Variants in GTF2E2 observed in about 807,000 individuals in gnomAD.
GTF2E2 encodes general transcription factor IIE subunit 2, also known as transcription initiation factor IIE subunit beta.
Under a neutral mutation model 40.5 loss-of-function variants are expected in GTF2E2, and 21 were observed. That is an observed-to-expected ratio of 0.52 (90% confidence interval 0.37 to 0.75). The LOEUF (loss-of-function observed/expected upper bound fraction) is 0.75, where lower values mean the gene tolerates loss of function less well. GTF2E2 is among the 30% of genes least tolerant of loss of function. GTF2E2 has a pLI of 0.00. For missense variants in GTF2E2, 298 were observed against 338.4 expected (o/e 0.88, Z 0.94); for synonymous variants, 117 against 121.6 (o/e 0.96, Z 0.25).
chr8:30,653,847 G>T (rs1229885519), intron 1 of GTF2E2, among the ~76,000 whole-genome samples: 1 of 152,136 alleles, frequency 6.6e-6, no homozygotes, highest in Non-Finnish European at 1.5e-5. Flanking sequence ...GAAGCACTTT[G>T]GGAAGCCGAG....
chr8:30,595,313 T>C (rs1828969442), intron 6 of GTF2E2, among the ~76,000 whole-genome samples: 1 of 152,224 alleles, frequency 6.6e-6, no homozygotes, highest in Non-Finnish European at 1.5e-5. Flanking sequence ...AAATATATTG[T>C]TAATATTTTT....
chr8:30,604,462 A>G (rs998507315), intron 6 of GTF2E2, among the ~76,000 whole-genome samples: 1 of 152,240 alleles, frequency 6.6e-6, no homozygotes, highest in Non-Finnish European at 1.5e-5. Flanking sequence ...CCAATGTGTA[A>G]GATATGTAAA....
At chr8:30,644,018 G>A (rs906460550) in intron 2 of GTF2E2, among the ~76,000 whole-genome samples, 2 of 152,172 alleles carry the variant, frequency 1.3e-5, no homozygotes, top group African/African-American at 4.8e-5. Flanking sequence ...AATTAATGAA[G>A]TAGAACTACA....
intron 1 of GTF2E2, among the ~76,000 whole-genome samples, chr8:30,654,782 A>G (rs1407116599): frequency 6.6e-6 from 1 of 152,198 alleles, no homozygotes; most frequent in Non-Finnish European, 1.5e-5. Context: ...TGCTGTAGAA[A>G]CATGAGGACT....
At chr8:30,654,118 A>T (rs1802380003) in intron 1 of GTF2E2, among the ~76,000 whole-genome samples, 1 of 151,836 alleles carries the variant, frequency 6.6e-6, no homozygotes. Context: ...AAAGAAAGAA[A>T]AGAAACAGAA....
intron 5 of GTF2E2, among the ~76,000 whole-genome samples, chr8:30,610,683 C>A (rs536599221): frequency 4.6e-5 from 7 of 152,222 alleles, no homozygotes; most frequent in Admixed American, 4.6e-4. Flanking sequence ...ACACCATATA[C>A]AAAAATTAAC....
intron 1 of GTF2E2, among the ~76,000 whole-genome samples, chr8:30,655,115 T>C (rs903295468): frequency 5.3e-5 from 8 of 151,508 alleles, no homozygotes; most frequent in Non-Finnish European, 7.4e-5. Flanking sequence ...ACACGAGAAC[T>C]GTTTGAGTCC....
chr8:30,630,674 G>A (rs1801414271), intron 3 of GTF2E2, among the ~76,000 whole-genome samples: 1 of 151,996 alleles, frequency 6.6e-6, no homozygotes, highest in African/African-American at 2.4e-5. Context: ...AGAGCCTGAA[G>A]GAATAATAAA....
rs188840009 is a variant in GTF2E2, at chr8:30,591,544, A to G, written c.644-11148T>C. Among the ~76,000 whole-genome samples, 704 of 152,364 alleles carry G rather than the reference A, an allele frequency of 4.6e-3. 2 individuals are homozygous for G. The highest frequency in any genetic ancestry group is 0.022 in the South Asian group (106 of 4,828). The stretch of plus-strand genomic sequence containing the variant: ...ATAAAATGGCCAATCAGCACATAAA[A>G]AGATGTTCAACATCATTAGTCATTA... On this transcript the variant is annotated intron_variant, in intron 6 of 7. Transcript: ENST00000355904.
intron 4 of GTF2E2, among the ~76,000 whole-genome samples, chr8:30,612,818 A>G (rs1451645532): frequency 6.6e-6 from 1 of 152,232 alleles, no homozygotes; most frequent in Non-Finnish European, 1.5e-5. Flanking sequence ...AAGTACTGGG[A>G]TTATAGGCGT....
intron 3 of GTF2E2, among the ~76,000 whole-genome samples, chr8:30,624,974 T>TA (rs1801223307): frequency 1.9e-5 from 1 of 52,872 alleles, no homozygotes; most frequent in Non-Finnish European, 3.8e-5. Flanking sequence ...TTTGACTTCC[T>TA]CTTTCCTAAA....
At chr8:30,621,361 A>C (rs1291622534) in intron 3 of GTF2E2, among the ~76,000 whole-genome samples, 1 of 152,156 alleles carries the variant, frequency 6.6e-6, no homozygotes, top group Non-Finnish European at 1.5e-5. Context: ...TGAGCTTTGT[A>C]AACACAGAAG....
intron 3 of GTF2E2, among the ~76,000 whole-genome samples, chr8:30,619,472 G>A (rs953303760): frequency 4.0e-5 from 6 of 149,468 alleles, no homozygotes; most frequent in African/African-American, 7.4e-5. Context: ...CACCGCAACC[G>A]CCACCTCCCA....
chr8:30,636,046 A>T (rs902827889), intron 2 of GTF2E2, among the ~76,000 whole-genome samples: 5 of 151,730 alleles, frequency 3.3e-5, no homozygotes, highest in Non-Finnish European at 5.9e-5. Flanking sequence ...TTTGAGAAAC[A>T]CCCCCCTCTC....
At chr8:30,632,723 C>A (rs901976147) in intron 3 of GTF2E2, among the ~76,000 whole-genome samples, 3 of 152,054 alleles carry the variant, frequency 2.0e-5, no homozygotes, top group African/African-American at 4.8e-5. Flanking sequence ...AATGGTTAAG[C>A]ACTAGGTAAC....
At chr8:30,656,191 C>T (rs915896326) in intron 1 of GTF2E2, among the ~76,000 whole-genome samples, 8 of 152,084 alleles carry the variant, frequency 5.3e-5, no homozygotes, top group African/African-American at 1.9e-4. Flanking sequence ...GAAATGAGGA[C>T]GCTATGAAAG....
At chr8:30,613,299 C>T (rs953361026) in intron 4 of GTF2E2, among the ~76,000 whole-genome samples, 2 of 152,138 alleles carry the variant, frequency 1.3e-5, no homozygotes, top group African/African-American at 4.8e-5. Context: ...CTGAAAAGGA[C>T]CAGACTAGTG....
At chr8:30,582,481 G>A (rs979729364) in intron 6 of GTF2E2, among the ~76,000 whole-genome samples, 2 of 152,086 alleles carry the variant, frequency 1.3e-5, no homozygotes, top group Non-Finnish European at 2.9e-5. Flanking sequence ...AACTAACATG[G>A]ACATATTACT....
intron 3 of GTF2E2, among the ~76,000 whole-genome samples, chr8:30,623,916 T>C (rs1438323640): frequency 6.6e-6 from 1 of 151,924 alleles, no homozygotes; most frequent in Middle Eastern, 3.2e-3. Flanking sequence ...TATCAGCCCT[T>C]TGTCAGATGA....
Sources: allele counts gnomAD v4.1 joint callset (sites outside exome capture counted in the v4.1 genomes callset), GRCh38; gene constraint gnomAD v4.1.1; transcripts MANE v1.5; gene names NCBI Gene and HGNC (gene_info 2026-07-23, HGNC 2026-07-21).